The following ATP2C1 variants were observed in gnomAD, a reference collection of about 807,000 sequenced individuals.
ATP2C1 encodes ATPase secretory pathway Ca2+ transporting 1.
In ATP2C1, 31 loss-of-function variants were observed where a neutral mutation model predicts 120.5. The observed-to-expected ratio is 0.26, with a 90% CI of 0.19 to 0.35. ATP2C1 has a LOEUF of 0.35. Among genes scored for constraint, ATP2C1 ranks in the 10% least tolerant of loss-of-function variants. The probability of loss-of-function intolerance (pLI) is 1.00; values close to 1 mark genes in which losing one functional copy is unlikely to be tolerated. For missense variants in ATP2C1, 731 were observed against 1,107.5 expected (o/e 0.66, Z 4.83); for synonymous variants, 351 against 358.7 (o/e 0.98, Z 0.24).
At chr3:130,918,719 C>T (rs547270253) in intron 2 of ATP2C1, 124 of 432,148 alleles carry the variant, frequency 2.9e-4, no homozygotes, top group Non-Finnish European at 5.1e-4. Flanking sequence ...GGGCCGGGCG[C>T]GGTGGCTCAC....
At position 130,864,381 on chromosome 3, in the gene ATP2C1, A is replaced by G. The variant is rs149718494; in HGVS notation, c.108+13453A>G. On this transcript the variant is annotated intron_variant, in intron 1 of 26. Transcript: ENST00000504381. ...TAAAGACATTCAGTTTTATAAGGGA[A>G]GCAGAGCATAAAAGTTTGGAAAACT... Among the ~76,000 whole-genome samples, 131 of 152,386 alleles carry G rather than the reference A, an allele frequency of 8.6e-4. 1 individual carries two copies. The East Asian group carries it at 0.024, about 28-fold the overall frequency.
At chr3:131,011,142 A>T (rs2109027495) in intron 26 of ATP2C1, among the ~76,000 whole-genome samples, 1 of 152,326 alleles carries the variant, frequency 6.6e-6, no homozygotes, top group African/African-American at 2.4e-5. Context: ...TCTGAAATTC[A>T]AATTCAGATG....
rs539568252 is a variant in ATP2C1 at position 130,978,901 on chromosome 3, G to GT, written c.1571-345dup. ...GACTTTAAAGCCTAACAAACCCATAGTTTCTCTAAATAATTAATTCTATTT... is the reference window on the plus strand; with the variant it reads ...GACTTTAAAGCCTAACAAACCCATAGTTTTCTCTAAATAATTAATTCTATTT... On this transcript the variant is annotated intron_variant, in intron 18 of 27. Transcript: ENST00000510168. Among the ~76,000 whole-genome samples the GT allele has an allele frequency of 9.9e-5, 15 of 152,278 alleles. No homozygotes were observed. In the South Asian group the frequency reaches 2.9e-3, roughly 29 times the overall value.
chr3:130,902,299 T>TG (rs2057889992), intron 2 of ATP2C1, among the ~76,000 whole-genome samples: 2 of 15,236 alleles, frequency 1.3e-4, no homozygotes, highest in Non-Finnish European at 1.2e-3. Context: ...TTTTTTTTGT[T>TG]TTTTTTTTTT....
chr3:130,985,091 G>A (rs566968804), intron 20 of ATP2C1, among the ~76,000 whole-genome samples: 5 of 152,320 alleles, frequency 3.3e-5, no homozygotes, highest in South Asian at 2.1e-4. Flanking sequence ...AAGGACATCT[G>A]TTCATTTATT....
chr3:130,967,051 A>G (rs1339169449), intron 14 of ATP2C1, 94 bp from the exon 15 acceptor site: 1 of 884,602 alleles, frequency 1.1e-6, no homozygotes, highest in African/African-American at 1.6e-5. Context: ...AAATAAAATG[A>G]ACAGAACTCA....
At chr3:130,887,286 A>ACAG (rs2069004765) in intron 1 of ATP2C1, among the ~76,000 whole-genome samples, 1 of 152,200 alleles carries the variant, frequency 6.6e-6, no homozygotes, top group Non-Finnish European at 1.5e-5. Context: ...TGAAGCCAGC[A>ACAG]CAGCACTAGG....
chr3:131,005,186 G>A (rs528338150), downstream of ATP2C1, among the ~76,000 whole-genome samples: 33 of 147,820 alleles, frequency 2.2e-4, no homozygotes, highest in South Asian at 3.0e-3. Flanking sequence ...TGTGATCTTG[G>A]CTCACTGCAA....
upstream of ATP2C1, among the ~76,000 whole-genome samples, chr3:130,890,287 G>A (rs529152219): frequency 3.2e-3 from 488 of 152,202 alleles, 1 homozygote; most frequent in Non-Finnish European, 5.0e-3. Flanking sequence ...ATTGGTCATG[G>A]TACTCTTGGG....
In ATP2C1 at chr3:130,999,282, G is replaced by A. The variant is rs952568734; in HGVS notation, c.2488-236G>A. On this transcript the variant is annotated intron_variant, in intron 26 of 27. Coordinates refer to ENST00000510168, the MANE Select transcript of ATP2C1 (RefSeq NM_001378687.1). ...CTTTCTATGGTCTAAATTATATAGT[G>A]TCACTTTTTAAGCAAGCCTTTTCTT... Among the ~76,000 whole-genome samples the A allele has an allele frequency of 5.9e-5, 9 of 152,084 alleles. No individual in the cohort carries two copies. In the East Asian group the frequency reaches 1.7e-3, roughly 29 times the overall value.
At chr3:130,940,178 C>A (rs1174540076) in intron 6 of ATP2C1, among the ~76,000 whole-genome samples, 1 of 152,180 alleles carries the variant, frequency 6.6e-6, no homozygotes, top group African/African-American at 2.4e-5. Flanking sequence ...CATGTTTGTT[C>A]TAATGGTTTA....
intron 23 of ATP2C1, 27 bp from the exon 24 acceptor site, chr3:130,996,653 T>C: frequency 1.4e-6 from 2 of 1,434,438 alleles, no homozygotes; most frequent in Non-Finnish European, 2.0e-6. Context: ...TCTACTGATA[T>C]TTTTAAATGA....
At chr3:130,858,618 C>T (rs767681622) in intron 1 of ATP2C1, among the ~76,000 whole-genome samples, 12 of 152,170 alleles carry the variant, frequency 7.9e-5, no homozygotes, top group Admixed American at 2.6e-4. Flanking sequence ...AAGTGCCTGA[C>T]AGATGGAAGG....
intron 8 of ATP2C1, among the ~76,000 whole-genome samples, chr3:130,951,131 T>C (rs1240208767): frequency 6.6e-6 from 1 of 152,174 alleles, no homozygotes; most frequent in Admixed American, 6.5e-5. Flanking sequence ...ATGAACCTTA[T>C]ATAAATTTAC....
At chr3:130,913,732 A>C (rs2058554173) in intron 2 of ATP2C1, among the ~76,000 whole-genome samples, 1 of 152,216 alleles carries the variant, frequency 6.6e-6, no homozygotes, top group Non-Finnish European at 1.5e-5. Context: ...TAGTCTCACT[A>C]TACTAAAATT....
chr3:130,912,480 C>T (rs1320765345), intron 2 of ATP2C1, among the ~76,000 whole-genome samples: 2 of 149,078 alleles, frequency 1.3e-5, no homozygotes, highest in African/African-American at 2.5e-5. Context: ...GACATTTATG[C>T]AGCCAAAAAA....
intron 20 of ATP2C1, among the ~76,000 whole-genome samples, chr3:130,989,974 G>A (rs1488335647): frequency 1.3e-5 from 2 of 152,114 alleles, no homozygotes; most frequent in African/African-American, 4.8e-5. Flanking sequence ...TTGAAAGAAA[G>A]GATATTTCCC....
At chr3:130,861,348 TC>T (rs767672791) in intron 1 of ATP2C1, among the ~76,000 whole-genome samples, 4 of 152,112 alleles carry the variant, frequency 2.6e-5, no homozygotes, top group Non-Finnish European at 4.4e-5. Flanking sequence ...GGCAGAGAAA[TC>T]CCATAATCTG....
At chr3:130,916,009 T>A (rs975361216) in intron 2 of ATP2C1, among the ~76,000 whole-genome samples, 1 of 152,224 alleles carries the variant, frequency 6.6e-6, no homozygotes. Flanking sequence ...AGCAAACTTA[T>A]TTGTGACAAC....
Sources: allele counts gnomAD v4.1 joint callset (sites outside exome capture counted in the v4.1 genomes callset), GRCh38; gene constraint gnomAD v4.1.1; transcripts MANE v1.5; gene names NCBI Gene and HGNC (gene_info 2026-07-23, HGNC 2026-07-21).